The following HIGD1C variants were observed in gnomAD, a reference collection of about 807,000 sequenced individuals.
HIGD1C encodes HIG1 hypoxia inducible domain family member 1C, also known as HIG1 domain family member 1C.
HIGD1C carries 11 observed loss-of-function variants against 13.1 expected under a neutral mutation model. That is an observed-to-expected ratio of 0.84 (90% CI 0.53 to 1.39). The LOEUF is 1.39. Among genes scored for constraint, HIGD1C ranks in the 40% most tolerant of loss-of-function variants. HIGD1C has a pLI of 0.00. For missense variants in HIGD1C, 110 were observed against 112.0 expected (o/e 0.98, Z 0.08); for synonymous variants, 36 against 37.7 (o/e 0.95, Z 0.17).
chr12:50,965,125 G>GT (rs1248735104), intron 2 of HIGD1C, among the ~76,000 whole-genome samples: 1 of 151,726 alleles, frequency 6.6e-6, no homozygotes, highest in Non-Finnish European at 1.5e-5. Flanking sequence ...TTTTGTTTTT[G>GT]TTTTTTGAGA....
chr12:50,953,961 G>A (rs1172921553), exon 1 of HIGD1C: 4 of 1,196,992 alleles, frequency 3.3e-6, no homozygotes, highest in South Asian at 2.5e-5. Flanking sequence ...ATGATTCACG[G>A]CAACCACATT....
the HIGD1C span, among the ~76,000 whole-genome samples, chr12:50,946,231 G>A: frequency 6.6e-6 from 1 of 152,114 alleles, no homozygotes; most frequent in East Asian, 1.9e-4. Flanking sequence ...TTGACAAATG[G>A]GATCTAATTA....
At chr12:50,941,329 A>C in the HIGD1C span, among the ~76,000 whole-genome samples, 1 of 152,216 alleles carries the variant, frequency 6.6e-6, no homozygotes, top group Non-Finnish European at 1.5e-5. Flanking sequence ...GGAGAAAGTG[A>C]ACTATTAATA....
the HIGD1C span, among the ~76,000 whole-genome samples, chr12:50,938,389 C>T: frequency 6.6e-6 from 1 of 152,192 alleles, no homozygotes; most frequent in Non-Finnish European, 1.5e-5. Context: ...TGGGTAGAGG[C>T]CAGGGAGCAG....
At chr12:50,968,850 T>G (rs952988458) in intron 2 of HIGD1C, among the ~76,000 whole-genome samples, 3 of 150,458 alleles carry the variant, frequency 2.0e-5, no homozygotes, top group African/African-American at 7.3e-5. Context: ...CCCTAATTTT[T>G]TTATTTTTTT....
At chr12:50,932,970 G>A in the HIGD1C span, among the ~76,000 whole-genome samples, 1 of 152,128 alleles carries the variant, frequency 6.6e-6, no homozygotes, top group Non-Finnish European at 1.5e-5. Flanking sequence ...TAGTGATTGA[G>A]AAATAGGAAA....
chr12:50,934,756 T>C, the HIGD1C span, among the ~76,000 whole-genome samples: 2 of 152,184 alleles, frequency 1.3e-5, no homozygotes, highest in Non-Finnish European at 2.9e-5. Context: ...AAACACACTA[T>C]ATTCAAGGAA....
intron 2 of HIGD1C, 22 bp from the exon 5 acceptor site, chr12:50,970,420 A>C (rs1284515243): frequency 8.1e-7 from 1 of 1,230,106 alleles, no homozygotes; most frequent in East Asian, 2.5e-5. Flanking sequence ...TACTCAATTG[A>C]TATACATCCT....
the HIGD1C span, chr12:50,931,333 G>A: frequency 6.6e-6 from 1 of 151,930 alleles, no homozygotes; most frequent in African/African-American, 2.4e-5. Flanking sequence ...TTTATTGATT[G>A]AATTAAGAAA....
chr12:50,963,717 A>C (rs1020846037), intron 2 of HIGD1C, among the ~76,000 whole-genome samples: 3 of 152,158 alleles, frequency 2.0e-5, no homozygotes, highest in African/African-American at 7.2e-5. Flanking sequence ...CAGACATAAG[A>C]AGAATTCGAC....
chr12:50,969,920 G>A (rs768082013), intron 2 of HIGD1C, among the ~76,000 whole-genome samples: 64 of 152,138 alleles, frequency 4.2e-4, no homozygotes, highest in Non-Finnish European at 8.4e-4. Context: ...CATTAAAGCA[G>A]CTCCTCTCTT....
chr12:50,961,069 G>A, exon 2 of HIGD1C: 1 of 1,613,860 alleles, frequency 6.2e-7, no homozygotes, highest in East Asian at 2.2e-5. Context: ...GAGAGTTGCT[G>A]CCCAAGGATT....
chr12:50,968,657 T>A (rs1466338694), intron 2 of HIGD1C, among the ~76,000 whole-genome samples: 2 of 152,096 alleles, frequency 1.3e-5, no homozygotes, highest in African/African-American at 4.8e-5. Flanking sequence ...TTCTCCTCAC[T>A]TTGCCTCCTG....
chr12:50,970,496 C>A lies in HIGD1C; in HGVS notation c.284C>A (p.Ser95Tyr), dbSNP rs1203042001. Residue 95 changes from serine to tyrosine, a missense_variant, in exon 3 of 3, where the codon TCC becomes TAC. Transcript: ENST00000398455. Reference sequence around the variant, plus strand: ...ATTAGACCACGATTCTTCAGTGAGTCCAAAAAATGAAGCTTACATGCTGGA... The same window carrying A: ...ATTAGACCACGATTCTTCAGTGAGTACAAAAAATGAAGCTTACATGCTGGA... 13 of 1,526,916 alleles carry A rather than the reference C, an allele frequency of 8.5e-6. No homozygotes were observed. The East Asian group carries it at 2.9e-4, about 34-fold the overall frequency. 94.6% of individuals were successfully genotyped at this position (1,526,916 alleles called of 1,614,324 possible). A position where few individuals can be genotyped will look rare whatever the true frequency, so the allele number is the denominator to read the frequency against.
intron 2 of HIGD1C, among the ~76,000 whole-genome samples, chr12:50,967,128 G>A (rs1939570714): frequency 6.9e-6 from 1 of 145,440 alleles, no homozygotes; most frequent in Admixed American, 6.8e-5. Context: ...AAAAAAAAAA[G>A]AAAGAGAAAT....
chr12:50,959,761 C>T (rs1331547727), intron 1 of HIGD1C, among the ~76,000 whole-genome samples: 1 of 152,156 alleles, frequency 6.6e-6, no homozygotes, highest in Non-Finnish European at 1.5e-5. Flanking sequence ...GATTCCCCTG[C>T]CTCAGCCTCC....
chr12:50,952,269 G>A (rs1025340433), upstream of HIGD1C, among the ~76,000 whole-genome samples: 7 of 151,892 alleles, frequency 4.6e-5, no homozygotes, highest in Non-Finnish European at 8.8e-5. Context: ...CAGGTGGTTC[G>A]CCAAAAATAT....
At chr12:50,961,837 T>A (rs1194435055) in intron 2 of HIGD1C, among the ~76,000 whole-genome samples, 1 of 152,164 alleles carries the variant, frequency 6.6e-6, no homozygotes, top group Non-Finnish European at 1.5e-5. Context: ...ATGATGGGCA[T>A]GGGGCTTGCA....
upstream of HIGD1C, among the ~76,000 whole-genome samples, chr12:50,952,699 G>C (rs968241227): frequency 2.0e-5 from 3 of 152,138 alleles, no homozygotes; most frequent in African/African-American, 4.8e-5. Context: ...GCGCACCTGC[G>C]ATGGCCTTAC....
Sources: allele counts gnomAD v4.1 joint callset (sites outside exome capture counted in the v4.1 genomes callset), GRCh38; gene constraint gnomAD v4.1.1; transcripts MANE v1.5; gene names NCBI Gene and HGNC (gene_info 2026-07-23, HGNC 2026-07-21).